The following MACROD2 variants were observed in gnomAD, a reference collection of about 807,000 sequenced individuals.
The protein encoded by MACROD2 is ADP-ribose glycohydrolase MACROD2.
A neutral mutation model predicts 70.4 loss-of-function variants in MACROD2; 36 were observed. The ratio of observed to expected loss-of-function variants is 0.51; its 90% CI spans 0.39 to 0.68. MACROD2 has a LOEUF of 0.68. Among genes scored for constraint, MACROD2 ranks in the 30% least tolerant of loss-of-function variants. The probability of loss-of-function intolerance (pLI) is 0.00; values close to 1 mark genes in which losing one functional copy is unlikely to be tolerated. For synonymous variants in MACROD2, 172 were observed against 178.8 expected, an observed-to-expected ratio of 0.96 and a Z score of 0.30; for missense variants, 496 against 538.4, an observed-to-expected ratio of 0.92 and a Z score of 0.78.
chr20:15,801,253 G>A (rs1035999891), intron 8 of MACROD2, among the ~76,000 whole-genome samples: 3 of 151,258 alleles, frequency 2.0e-5, no homozygotes, highest in Non-Finnish European at 4.4e-5. Context: ...TGGTATCCCA[G>A]GTTGAAGAAA....
At position 15,710,194 on chromosome 20, in the gene MACROD2, CAAAAA is replaced by C. The variant is rs67656339; in HGVS notation, c.646-152536_646-152532del. ...GTTAGAATGGCTATTATCAAAAAGA[CAAAAA>C]AAAAAAAAAAAAAACAATTGCGGGT... On this transcript the variant is annotated intron_variant, in intron 8 of 17. Transcript: ENST00000684519. 2.6e-4 allele frequency among the ~76,000 whole-genome samples: 27 copies of C among 102,688 alleles called. 1 individual carries two copies. Among genetic ancestry groups the C allele is most frequent in the African/African-American group, 8.6e-4 (23 of 26,744 alleles). The allele number at this position is 102,688 out of a possible 152,430, so 67.4% of individuals were successfully genotyped here. A position where few individuals can be genotyped will look rare whatever the true frequency, so the allele number is the denominator to read the frequency against.
chr20:16,040,009 C>A (rs1418190477), intron 15 of MACROD2, among the ~76,000 whole-genome samples: 3 of 151,760 alleles, frequency 2.0e-5, no homozygotes, highest in Admixed American at 6.6e-5. Context: ...TCTCATAATT[C>A]TCTCCCCAGT....
rs1015059081 is a variant in MACROD2 at position 15,041,437 on chromosome 20, TTC to T, written c.419-188487_419-188486del. 1.8e-4 allele frequency among the ~76,000 whole-genome samples: 27 copies of T among 150,940 alleles called. No individual in the cohort carries two copies. The East Asian group carries it at 1.9e-3, about 11-fold the overall frequency. On this transcript the variant is annotated intron_variant, in intron 5 of 17. Transcript: ENST00000684519. ...TAGATTTTGATTTTTTTAAATTAAT[TTC>T]TCTCTCTCTCTCTCTTACTTTTTTG...
intron 5 of MACROD2, among the ~76,000 whole-genome samples, chr20:15,035,915 A>T (rs2075309400): frequency 6.6e-6 from 1 of 151,228 alleles, no homozygotes; most frequent in African/African-American, 2.4e-5. Context: ...CTTTTAGGAG[A>T]TCTGGTGTCA....
At chr20:15,358,888 C>G (rs536123350) in intron 6 of MACROD2, among the ~76,000 whole-genome samples, 1 of 152,006 alleles carries the variant, frequency 6.6e-6, no homozygotes, top group Non-Finnish European at 1.5e-5. Context: ...AATTACCTCC[C>G]GAAGGCCCCA....
chr20:14,458,492 C>T (rs1020091293), intron 3 of MACROD2, among the ~76,000 whole-genome samples: 1 of 152,058 alleles, frequency 6.6e-6, no homozygotes, highest in African/African-American at 2.4e-5. Flanking sequence ...AAAAGCCAGG[C>T]TTCTGATTTG....
intron 2 of MACROD2, among the ~76,000 whole-genome samples, chr20:14,009,942 T>C (rs1447045530): frequency 6.6e-6 from 1 of 152,132 alleles, no homozygotes. Context: ...GGACACATTG[T>C]GGGGAGTAAC....
chr20:14,195,312 C>T (rs1023737704), intron 3 of MACROD2, among the ~76,000 whole-genome samples: 1 of 152,100 alleles, frequency 6.6e-6, no homozygotes, highest in Non-Finnish European at 1.5e-5. Flanking sequence ...CTTGTTTTCT[C>T]TTTCATTTGT....
chr20:14,330,429 C>T (rs1157555090), intron 3 of MACROD2, among the ~76,000 whole-genome samples: 3 of 151,956 alleles, frequency 2.0e-5, no homozygotes, highest in Admixed American at 1.3e-4. Flanking sequence ...TTGCTTCTCC[C>T]ACAGTTGCTA....
At chr20:14,841,059 T>A (rs2073081977) in intron 5 of MACROD2, among the ~76,000 whole-genome samples, 2 of 152,262 alleles carry the variant, frequency 1.3e-5, no homozygotes, top group South Asian at 4.2e-4. Flanking sequence ...AATAACATAT[T>A]TTAATGTTAA....
In MACROD2 at chr20:16,049,978, A is replaced by G. The variant is rs540928389; in HGVS notation, c.*102A>G. 1 of 796,760 alleles carries G rather than the reference A, an allele frequency of 1.3e-6. No individual in the cohort carries two copies. Among genetic ancestry groups the G allele is most frequent in the Non-Finnish European group, 2.0e-6 (1 of 496,346 alleles). The allele number at this position is 796,760 out of a possible 1,614,324, so 49.4% of individuals were successfully genotyped here. ...TGGGGGTGGGGGGAAGGCAAGTCCCATGGAAGGACGGGGAATCCTTTACTC... is the reference window on the plus strand; with the variant it reads ...TGGGGGTGGGGGGAAGGCAAGTCCCGTGGAAGGACGGGGAATCCTTTACTC... On this transcript the variant is annotated 3_prime_UTR_variant, in exon 18 of 18. Coordinates refer to ENST00000684519, the MANE Select transcript of MACROD2 (RefSeq NM_001351661.2).
At chr20:15,847,133 C>T (rs1007370935) in intron 8 of MACROD2, among the ~76,000 whole-genome samples, 7 of 152,048 alleles carry the variant, frequency 4.6e-5, no homozygotes, top group African/African-American at 1.7e-4. Context: ...ATATTTTTTA[C>T]AGCTGTTCAC....
At chr20:15,135,943 AG>A (rs2076144122) in intron 5 of MACROD2, among the ~76,000 whole-genome samples, 1 of 151,826 alleles carries the variant, frequency 6.6e-6, no homozygotes, top group African/African-American at 2.4e-5. Context: ...CCAAATCATG[AG>A]TGAACTCCCA....
intron 5 of MACROD2, among the ~76,000 whole-genome samples, chr20:14,713,163 G>C (rs1461506812): frequency 6.6e-6 from 1 of 152,138 alleles, no homozygotes; most frequent in Non-Finnish European, 1.5e-5. Flanking sequence ...ATGTGCCTTA[G>C]AGTAGAGGTA....
chr20:15,102,736 G>A (rs74792354), intron 5 of MACROD2, among the ~76,000 whole-genome samples: 1 of 5,546 alleles, frequency 1.8e-4, no homozygotes, highest in East Asian at 6.3e-4. Flanking sequence ...AAACTCCCAC[G>A]TGTGAAAATT....
At chr20:14,778,738 G>A (rs1242216053) in intron 5 of MACROD2, among the ~76,000 whole-genome samples, 2 of 152,136 alleles carry the variant, frequency 1.3e-5, no homozygotes, top group African/African-American at 4.8e-5. Context: ...TTACTGTGAA[G>A]CTTGAGCTTA....
intron 8 of MACROD2, among the ~76,000 whole-genome samples, chr20:15,692,459 G>A (rs2050310216): frequency 6.6e-6 from 1 of 152,038 alleles, no homozygotes; most frequent in Admixed American, 6.6e-5. Flanking sequence ...AGAAAGTCAA[G>A]CAGGGTGACA....
intron 4 of MACROD2, among the ~76,000 whole-genome samples, chr20:14,680,287 A>C (rs2070916175): frequency 6.6e-6 from 1 of 152,188 alleles, no homozygotes; most frequent in Admixed American, 6.5e-5. Flanking sequence ...TAGAAGGTGT[A>C]AATAACTGAG....
At chr20:15,530,951 C>T (rs1349801907) in intron 8 of MACROD2, among the ~76,000 whole-genome samples, 6 of 147,870 alleles carry the variant, frequency 4.1e-5, no homozygotes, top group Non-Finnish European at 8.9e-5. Flanking sequence ...AATCTTTCTA[C>T]ATTTTGATTG....
Sources: gnomAD v4.1 joint callset for allele counts (sites outside exome capture counted in the v4.1 genomes callset) on GRCh38, gnomAD v4.1.1 for gene constraint, MANE v1.5 for transcripts, NCBI Gene and HGNC (gene_info 2026-07-23, HGNC 2026-07-21) for gene names.